Variants in GRIK2 observed in about 807,000 individuals in gnomAD.
The protein encoded by GRIK2 is glutamate receptor ionotropic, kainate 2.
In GRIK2, 32 loss-of-function variants were observed where a neutral mutation model predicts 100.3. That is an observed-to-expected ratio of 0.32 (90% CI 0.24 to 0.43). The LOEUF is 0.43. GRIK2 is among the 20% of genes least tolerant of loss of function. The pLI, the probability that GRIK2 is intolerant of heterozygous loss-of-function variation, is 1.00. For missense variants in GRIK2, 843 were observed against 1,114.9 expected, an observed-to-expected ratio of 0.76 and a Z score of 3.47; for synonymous variants, 417 against 389.4, an observed-to-expected ratio of 1.07 and a Z score of -0.83.
At chr6:101,433,290 T>G (rs1051590609) in intron 2 of GRIK2, among the ~76,000 whole-genome samples, 3 of 152,232 alleles carry the variant, frequency 2.0e-5, no homozygotes, top group African/African-American at 7.2e-5. Context: ...ATTTACCTTC[T>G]GGCAGGACTG....
At chr6:101,614,908 G>A (rs559617750) in intron 2 of GRIK2, among the ~76,000 whole-genome samples, 1 of 151,692 alleles carries the variant, frequency 6.6e-6, no homozygotes, top group Non-Finnish European at 1.5e-5. Flanking sequence ...GTCCTCAGTA[G>A]TAGTTACAAT....
intron 10 of GRIK2, among the ~76,000 whole-genome samples, chr6:101,856,051 C>T (rs2128441799): frequency 6.6e-6 from 1 of 152,222 alleles, no homozygotes; most frequent in Non-Finnish European, 1.5e-5. Context: ...AAGCCTTTCA[C>T]CAAGATGAGA....
intron 14 of GRIK2, among the ~76,000 whole-genome samples, chr6:101,940,887 A>G (rs1790915177): frequency 6.6e-6 from 1 of 152,150 alleles, no homozygotes; most frequent in Non-Finnish European, 1.5e-5. Flanking sequence ...TATTAAATTG[A>G]AATTTTAAAA....
chr6:101,550,863 T>C (rs1776479191), intron 2 of GRIK2, among the ~76,000 whole-genome samples: 2 of 152,182 alleles, frequency 1.3e-5, no homozygotes, highest in Admixed American at 1.3e-4. Context: ...AGTATGCTTC[T>C]TTATCTCTCT....
intron 4 of GRIK2, among the ~76,000 whole-genome samples, chr6:101,652,020 G>A (rs558796437): frequency 6.6e-6 from 1 of 152,282 alleles, no homozygotes; most frequent in South Asian, 2.1e-4. Context: ...CTGCTGGTAT[G>A]TCATGTAAAT....
intron 15 of GRIK2, among the ~76,000 whole-genome samples, chr6:102,038,736 A>G (rs1770412730): frequency 6.6e-6 from 1 of 151,444 alleles, no homozygotes; most frequent in African/African-American, 2.4e-5. Context: ...TAATGAGAAT[A>G]GCTATATTCA....
intron 16 of GRIK2, among the ~76,000 whole-genome samples, chr6:102,063,335 A>G (rs1051866155): frequency 2.7e-5 from 4 of 150,754 alleles, no homozygotes; most frequent in African/African-American, 9.7e-5. Context: ...CTCCTTAAAA[A>G]TAAATACTAA....
intron 14 of GRIK2, among the ~76,000 whole-genome samples, chr6:101,998,969 A>G (rs1794792885): frequency 1.3e-5 from 2 of 151,608 alleles, no homozygotes; most frequent in African/African-American, 4.8e-5. Flanking sequence ...GTGTGCCACC[A>G]CACCTGGCTA....
intron 14 of GRIK2, among the ~76,000 whole-genome samples, chr6:101,965,605 T>C (rs1254018251): frequency 6.6e-6 from 1 of 152,188 alleles, no homozygotes; most frequent in Non-Finnish European, 1.5e-5. Flanking sequence ...ATATTCTCCT[T>C]GCATGTTATC....
intron 14 of GRIK2, among the ~76,000 whole-genome samples, chr6:101,966,216 T>C (rs1233840250): frequency 6.6e-6 from 1 of 152,178 alleles, no homozygotes; most frequent in Non-Finnish European, 1.5e-5. Context: ...ACTTTGTATT[T>C]TAACAAATTG....
intron 7 of GRIK2, among the ~76,000 whole-genome samples, chr6:101,704,254 A>G (rs531450730): frequency 6.6e-6 from 1 of 151,904 alleles, no homozygotes; most frequent in South Asian, 2.1e-4. Flanking sequence ...CAGTATTTAT[A>G]AACAAATAAT....
At chr6:101,502,688 G>A (rs1384617727) in intron 2 of GRIK2, among the ~76,000 whole-genome samples, 1 of 152,076 alleles carries the variant, frequency 6.6e-6, no homozygotes, top group African/African-American at 2.4e-5. Context: ...AGATTGATAG[G>A]ATATCTAGCT....
intron 6 of GRIK2, 23 bp downstream of exon 6, chr6:101,682,629 A>G (rs763948697): frequency 1.0e-6 from 1 of 970,666 alleles, no homozygotes; most frequent in South Asian, 1.4e-5. Context: ...TTAAAACAAA[A>G]TGTTCTGAAT....
chr6:102,006,570 G>A (rs1795251964), intron 14 of GRIK2, among the ~76,000 whole-genome samples: 1 of 151,616 alleles, frequency 6.6e-6, no homozygotes, highest in Non-Finnish European at 1.5e-5. Context: ...GTTTCGCCAT[G>A]TTGCCCAAGC....
intron 2 of GRIK2, among the ~76,000 whole-genome samples, chr6:101,457,569 T>A (rs1771078123): frequency 6.6e-6 from 1 of 152,176 alleles, no homozygotes; most frequent in South Asian, 2.1e-4. Flanking sequence ...TCATTTTGAC[T>A]TTTTCACTTC....
chr6:101,503,183 G>A (rs1469070462), intron 2 of GRIK2, among the ~76,000 whole-genome samples: 1 of 151,946 alleles, frequency 6.6e-6, no homozygotes, highest in Non-Finnish European at 1.5e-5. Flanking sequence ...TGTTTTTTTT[G>A]TTTTGTTTTT....
intron 14 of GRIK2, among the ~76,000 whole-genome samples, chr6:102,002,139 T>A (rs1307117300): frequency 6.6e-6 from 1 of 150,782 alleles, no homozygotes; most frequent in East Asian, 1.9e-4. Flanking sequence ...ATTTATATTA[T>A]TATTTATATG....
intron 7 of GRIK2, among the ~76,000 whole-genome samples, chr6:101,736,344 A>T (rs911021985): frequency 6.6e-6 from 1 of 152,128 alleles, no homozygotes. Flanking sequence ...CCGACCCAAC[A>T]TCTCCCTTTC....
At chr6:101,959,739 G>A (rs1792165351) in intron 14 of GRIK2, among the ~76,000 whole-genome samples, 1 of 152,076 alleles carries the variant, frequency 6.6e-6, no homozygotes, top group South Asian at 2.1e-4. Flanking sequence ...AAATTTTGTT[G>A]AGAGTCCCTT....
Sources: allele counts gnomAD v4.1 joint callset (sites outside exome capture counted in the v4.1 genomes callset), GRCh38; gene constraint gnomAD v4.1.1; transcripts MANE v1.5; gene names NCBI Gene and HGNC (gene_info 2026-07-23, HGNC 2026-07-21).